CCNG1: variants seen among roughly 807,000 people sequenced by gnomAD.
The protein encoded by CCNG1 is cyclin-G1.
CCNG1 carries 13 observed loss-of-function variants against 30.0 expected under a neutral mutation model. The observed-to-expected ratio is 0.43, with a 90% confidence interval of 0.28 to 0.69. The LOEUF is 0.69. Among genes scored for constraint, CCNG1 ranks in the 30% least tolerant of loss-of-function variants. The pLI is 0.16. For synonymous variants in CCNG1, 110 were observed against 121.5 expected (o/e 0.91, Z 0.62); for missense variants, 285 against 331.4 (o/e 0.86, Z 1.09).
chr5:163,456,191 T>A, the CCNG1 span, among the ~76,000 whole-genome samples: 4 of 152,130 alleles, frequency 2.6e-5, no homozygotes. Context: ...GAGATATACA[T>A]CTGGAAATCA....
chr5:163,455,144 A>G, the CCNG1 span, among the ~76,000 whole-genome samples: 1 of 151,944 alleles, frequency 6.6e-6, no homozygotes, highest in Non-Finnish European at 1.5e-5. Context: ...TAAGTGACAC[A>G]GAAAAAAAAA....
At chr5:163,454,363 C>T in the CCNG1 span, among the ~76,000 whole-genome samples, 1 of 151,808 alleles carries the variant, frequency 6.6e-6, no homozygotes, top group East Asian at 1.9e-4. Flanking sequence ...TTTTTTGAGA[C>T]GGAGTTTCGC....
downstream of CCNG1, chr5:163,445,064 A>G (rs1758001772): frequency 6.6e-6 from 1 of 152,246 alleles, no homozygotes; most frequent in Non-Finnish European, 1.5e-5. Flanking sequence ...TAACTCTTTT[A>G]GCAATGTGTT....
chr5:163,457,085 A>G, the CCNG1 span: 1 of 1,589,602 alleles, frequency 6.3e-7, no homozygotes, highest in East Asian at 2.2e-5. Context: ...TGTCCTCTAA[A>G]AAAAAAACAC....
the CCNG1 span, chr5:163,453,496 T>C: frequency 1.3e-5 from 2 of 152,668 alleles, no homozygotes; most frequent in African/African-American, 4.8e-5. Flanking sequence ...AATACATTTA[T>C]GGACTTTTTC....
At chr5:163,443,584 T>C (rs1581171282) in intron 6 of CCNG1, 90 bp from the exon 7 acceptor site, 3 of 689,920 alleles carry the variant, frequency 4.3e-6, no homozygotes, top group Non-Finnish European at 7.6e-6. Flanking sequence ...ATTATGAATA[T>C]TAGATATGAA....
At chr5:163,449,041 A>G (rs1002226101), downstream of CCNG1, 1 of 152,220 alleles carries the variant, frequency 6.6e-6, no homozygotes, top group African/African-American at 2.4e-5. Flanking sequence ...CCAGAACAAG[A>G]CTGAGATGGC....
rs766678579 is a variant in CCNG1, at chr5:163,437,724, C to T, written c.-81C>T. On this transcript the variant is annotated 5_prime_UTR_variant, in exon 1 of 7. Coordinates refer to ENST00000340828, the MANE Select transcript of CCNG1 (RefSeq NM_004060.4). ...CTACGAGTCCCCTCTCCTCGTAGGC[C>T]TCTCGGATCTGATATCGTGGGGTGA... 6.6e-6 allele frequency: 1 copy of T among 152,304 alleles called. No individual in the cohort carries two copies. The highest frequency in any genetic ancestry group is 1.5e-5 in the Non-Finnish European group (1 of 68,152). The allele number at this position is 152,304 out of a possible 1,614,324, so 9.4% of individuals were successfully genotyped here.
chr5:163,446,944 G>T (rs906249576), downstream of CCNG1: 11 of 152,170 alleles, frequency 7.2e-5, no homozygotes, highest in Non-Finnish European at 1.6e-4. Context: ...GAACCTGTGA[G>T]GCAGTGAGAC....
rs1214584795 is a variant in CCNG1, at chr5:163,442,110, A to G, written c.663A>G (p.Thr221=). 1.9e-6 allele frequency: 3 copies of G among 1,610,998 alleles called. No individual in the cohort carries two copies. The East Asian group carries it at 6.7e-5, about 36-fold the overall frequency. Residue 221 remains threonine, a synonymous_variant, in exon 5 of 7, where the codon ACA becomes ACG. Transcript: ENST00000340828. ...AAGCACAGAAGTGTGTAGAGTTAAC[A>G]GAAGGAATAGAATGTCTTCAGAAAC... ...EIQAQKCVEL[T]EGIECLQKHS... is the part of the protein sequence containing the mutation.
At chr5:163,440,039 C>T (rs1366952302) in intron 2 of CCNG1, among the ~76,000 whole-genome samples, 4 of 151,316 alleles carry the variant, frequency 2.6e-5, no homozygotes, top group Non-Finnish European at 4.4e-5. Flanking sequence ...CAACTATTTT[C>T]CTATACTAGA....
In CCNG1 at chr5:163,439,654, C is replaced by T. The variant is rs866032025; in HGVS notation, c.264+134C>T. Reference sequence around the variant, plus strand: ...GCCAAAACATTAATTTTGTCTACTACAGCATTAATATTTCTTATCATAATC... The same window carrying T: ...GCCAAAACATTAATTTTGTCTACTATAGCATTAATATTTCTTATCATAATC... On this transcript the variant is annotated intron_variant, in intron 2 of 6. Coordinates refer to ENST00000340828, the MANE Select transcript of CCNG1 (RefSeq NM_004060.4). 96 of 674,892 alleles carry T rather than the reference C, an allele frequency of 1.4e-4. No homozygotes were observed. In the Middle Eastern group the frequency reaches 5.8e-3, roughly 40 times the overall value. The allele number at this position is 674,892 out of a possible 1,614,324, so 41.8% of individuals were successfully genotyped here. A position where few individuals can be genotyped will look rare whatever the true frequency, so the allele number is the denominator to read the frequency against.
At position 163,442,500 on chromosome 5, in the gene CCNG1, C is replaced by T. The variant is rs201575982; in HGVS notation, c.823C>T (p.Arg275Trp). ...LKWIVSGRTA[R>W]QLKHSYYRIT... is the part of the protein sequence containing the mutation. ...ATGGATTGTTTCTGGGCGTACTGCA[C>T]GGCAATTGAAGCATAGCTACTACAG... The change falls in exon 6 of 7, where the codon CGG (arginine) becomes TGG (tryptophan). Residue 275 changes from arginine (R) to tryptophan (W), a missense_variant. Transcript: ENST00000340828. 129 of 1,613,856 alleles carry T rather than the reference C, an allele frequency of 8.0e-5. No individual in the cohort carries two copies. Among genetic ancestry groups the T allele is most frequent in the East Asian group, 7.4e-4 (33 of 44,862 alleles).
rs775348824 is a variant in CCNG1, at chr5:163,441,939, G to A, written c.572G>A (p.Cys191Tyr). 6.2e-7 allele frequency: 1 copy of A among 1,609,262 alleles called. No individual in the cohort carries two copies. The highest frequency in any genetic ancestry group is 8.5e-7 in the Non-Finnish European group (1 of 1,175,884). ...RLEAQLKACHCRIIFSKAKPS... is the reference protein window; with the variant it reads ...RLEAQLKACHYRIIFSKAKPS... ...GAAGCTCAACTGAAGGCATGTCATT[G>A]CAGGATCATATTTTCTAAAGCAAAG... The change falls in exon 4 of 7, where the codon TGC (cysteine) becomes TAC (tyrosine). Residue 191 changes from cysteine to tyrosine, a missense_variant. Cys to Tyr is a radical substitution (Grantham distance 194). Transcript: ENST00000340828.
intron 2 of CCNG1, among the ~76,000 whole-genome samples, chr5:163,440,623 G>A (rs981483302): frequency 9.9e-5 from 15 of 152,228 alleles, no homozygotes; most frequent in African/African-American, 3.6e-4. Context: ...AACAGTATAT[G>A]CCATAGTATT....
intron 2 of CCNG1, among the ~76,000 whole-genome samples, chr5:163,440,597 T>C (rs189108847): frequency 1.3e-5 from 2 of 152,258 alleles, no homozygotes; most frequent in Admixed American, 1.3e-4. Context: ...TGGATAGAAC[T>C]CTTAGAGGCA....
chr5:163,441,471 C>T, intron 3 of CCNG1, 140 bp downstream of exon 3: 1 of 744,854 alleles, frequency 1.3e-6, no homozygotes, highest in Non-Finnish European at 2.1e-6. Context: ...CTTTAATGTC[C>T]ATCATAAGTG....
rs1757991042 is a variant in CCNG1, at chr5:163,444,812, A to C, written c.*1142A>C. On this transcript the variant is annotated 3_prime_UTR_variant, in exon 7 of 7. Transcript: ENST00000340828. Reference sequence around the variant, plus strand: ...ACGTTATGGATCAGTACACAATGAAAAACCAAAGAACCACAGTATATCTTA... The same window carrying C: ...ACGTTATGGATCAGTACACAATGAACAACCAAAGAACCACAGTATATCTTA... 6.5e-6 allele frequency: 1 copy of C among 152,678 alleles called. No homozygotes were observed. The highest frequency in any genetic ancestry group is 2.4e-5 in the African/African-American group (1 of 41,464). 9.5% of individuals were successfully genotyped at this position (152,678 alleles called of 1,614,324 possible).
chr5:163,439,274 A>G lies in CCNG1; in HGVS notation c.18A>G (p.Thr6=). 1.2e-6 allele frequency: 2 copies of G among 1,613,454 alleles called. No homozygotes were observed. Among genetic ancestry groups the G allele is most frequent in the Non-Finnish European group, 8.5e-7 (1 of 1,179,946 alleles). Residue 6 remains threonine (T), a synonymous_variant, in exon 2 of 7, where the codon ACA becomes ACG. Transcript: ENST00000340828. MIEVL[T]TTDSQKLLHQ... ...ATATATAGATGATAGAGGTACTGAC[A>G]ACAACTGACTCTCAGAAACTGCTAC...
Sources: allele counts gnomAD v4.1 joint callset (sites outside exome capture counted in the v4.1 genomes callset), GRCh38; gene constraint gnomAD v4.1.1; transcripts MANE v1.5; gene names NCBI Gene and HGNC (gene_info 2026-07-23, HGNC 2026-07-21).